Variants in ADGRL2 observed in about 807,000 individuals in gnomAD.
ADGRL2 encodes adhesion G protein-coupled receptor L2, also known as calcium-independent alpha-latrotoxin receptor 2.
Under a neutral mutation model 157.4 loss-of-function variants are expected in ADGRL2, and 44 were observed. That is an observed-to-expected ratio of 0.28 (90% CI 0.22 to 0.36). The LOEUF (loss-of-function observed/expected upper bound fraction) is 0.36, where lower values mean the gene tolerates loss of function less well. Among genes scored for constraint, ADGRL2 ranks in the 10% least tolerant of loss-of-function variants. ADGRL2 has a pLI of 1.00. For synonymous variants in ADGRL2, 585 were observed against 624.7 expected (o/e 0.94, Z 0.95); for missense variants, 1,510 against 1,768.9 (o/e 0.85, Z 2.63).
chr1:81,377,842 A>T (rs2076276734), intron 1 of ADGRL2, among the ~76,000 whole-genome samples: 1 of 152,162 alleles, frequency 6.6e-6, no homozygotes, highest in Admixed American at 6.5e-5. Flanking sequence ...CTAATTTTGA[A>T]TTTTATGCTC....
chr1:81,389,566 G>A (rs1045171413), intron 1 of ADGRL2, among the ~76,000 whole-genome samples: 5 of 152,148 alleles, frequency 3.3e-5, no homozygotes, highest in African/African-American at 2.4e-5. Flanking sequence ...CATAGGCAAC[G>A]AATGATTTCG....
At chr1:81,891,521 T>C (rs1319631521) in intron 2 of ADGRL2, among the ~76,000 whole-genome samples, 1 of 152,158 alleles carries the variant, frequency 6.6e-6, no homozygotes, top group East Asian at 1.9e-4. Context: ...GGAGAAAATG[T>C]CACCATATTT....
chr1:81,851,589 T>C (rs1445967549), intron 2 of ADGRL2, among the ~76,000 whole-genome samples: 1 of 151,900 alleles, frequency 6.6e-6, no homozygotes, highest in Non-Finnish European at 1.5e-5. Context: ...ACATCACACC[T>C]GAAAATATAT....
At chr1:81,636,641 A>G (rs1048654647) in intron 3 of ADGRL2, among the ~76,000 whole-genome samples, 24 of 152,142 alleles carry the variant, frequency 1.6e-4, no homozygotes, top group African/African-American at 5.8e-4. Flanking sequence ...GTTTTCCCCA[A>G]ACTGAGCTCG....
chr1:81,950,930 C>A, intron 7 of ADGRL2, 88 bp from the exon 8 acceptor site: 1 of 801,214 alleles, frequency 1.2e-6, no homozygotes, highest in Non-Finnish European at 2.1e-6. Flanking sequence ...CAAAATTTAA[C>A]ACGCAGAGCA....
At chr1:81,898,740 CA>C (rs577069730) in intron 2 of ADGRL2, among the ~76,000 whole-genome samples, 129 of 152,234 alleles carry the variant, frequency 8.5e-4, no homozygotes, top group African/African-American at 3.0e-3. Context: ...TTACTTTTAA[CA>C]CTATTTTCAT....
intron 1 of ADGRL2, among the ~76,000 whole-genome samples, chr1:81,394,284 G>A (rs1369195001): frequency 6.6e-6 from 1 of 151,854 alleles, no homozygotes; most frequent in Non-Finnish European, 1.5e-5. Context: ...TCACTATATG[G>A]TACTATAGAA....
chr1:81,356,753 A>G (rs1247380276), intron 1 of ADGRL2, among the ~76,000 whole-genome samples: 1 of 151,936 alleles, frequency 6.6e-6, no homozygotes, highest in East Asian at 1.9e-4. Context: ...GGAGATCGAC[A>G]CCATCCTGGC....
At chr1:81,320,164 A>T (rs1486336059) in intron 1 of ADGRL2, among the ~76,000 whole-genome samples, 1 of 152,234 alleles carries the variant, frequency 6.6e-6, no homozygotes, top group Non-Finnish European at 1.5e-5. Context: ...CATAAGAAGT[A>T]ACTTCTCATC....
At chr1:81,980,704 C>A in intron 18 of ADGRL2, 1 of 542,676 alleles carries the variant, frequency 1.8e-6, no homozygotes. Flanking sequence ...GTGCCAGCTT[C>A]ATTGCATGTT....
intron 2 of ADGRL2, among the ~76,000 whole-genome samples, chr1:81,785,180 G>A (rs1488823389): frequency 1.3e-5 from 2 of 152,150 alleles, no homozygotes; most frequent in African/African-American, 4.8e-5. Flanking sequence ...TTTTACTAAA[G>A]TTTTAATAGT....
chr1:81,602,334 C>T (rs1212894472), intron 3 of ADGRL2, among the ~76,000 whole-genome samples: 1 of 152,096 alleles, frequency 6.6e-6, no homozygotes, highest in African/African-American at 2.4e-5. Context: ...GAGGCTCACG[C>T]CTGTAATCCC....
intron 3 of ADGRL2, among the ~76,000 whole-genome samples, chr1:81,651,540 A>G (rs2082419703): frequency 6.6e-6 from 1 of 152,196 alleles, no homozygotes; most frequent in South Asian, 2.1e-4. Context: ...AATGACCTGT[A>G]ACAAATGTGG....
chr1:81,457,674 G>C (rs2077834968), intron 2 of ADGRL2, among the ~76,000 whole-genome samples: 1 of 152,090 alleles, frequency 6.6e-6, no homozygotes, highest in Non-Finnish European at 1.5e-5. Flanking sequence ...AAGATTTCCA[G>C]CCAAATGAAT....
At chr1:81,971,050 T>G (rs778349099) in intron 16 of ADGRL2, among the ~76,000 whole-genome samples, 154 of 152,248 alleles carry the variant, frequency 1.0e-3, no homozygotes, top group Admixed American at 3.1e-3. Flanking sequence ...AGTATAGATA[T>G]TTACAGAAAG....
intron 1 of ADGRL2, chr1:81,761,754 G>GT (rs1272529902): frequency 2.0e-5 from 3 of 152,094 alleles, no homozygotes; most frequent in Middle Eastern, 3.4e-3. Flanking sequence ...ACATTTGGCA[G>GT]TTAGGATCCC....
intron 2 of ADGRL2, among the ~76,000 whole-genome samples, chr1:81,771,005 G>T (rs189825584): frequency 1.7e-4 from 26 of 152,044 alleles, no homozygotes; most frequent in Non-Finnish European, 1.3e-4. Flanking sequence ...TGGATTTCCT[G>T]TATTAACAAT....
intron 1 of ADGRL2, among the ~76,000 whole-genome samples, chr1:81,827,425 A>C (rs1156269906): frequency 6.6e-6 from 1 of 152,080 alleles, no homozygotes; most frequent in Non-Finnish European, 1.5e-5. Context: ...GTTATTTACT[A>C]TTTTGATTGG....
chr1:81,488,045 C>G lies in ADGRL2; in HGVS notation c.-248+42956C>G, dbSNP rs114612682. 9.1e-3 allele frequency among the ~76,000 whole-genome samples: 1,386 copies of G among 152,274 alleles called. 20 individuals carry two copies. The highest frequency in any genetic ancestry group is 0.031 in the African/African-American group (1,295 of 41,552). ...ACGAAATGGCTATTGTTACTGCATGCTACCCCTGCCCCCCGCCCGACTCTG... is the reference window on the plus strand; with the variant it reads ...ACGAAATGGCTATTGTTACTGCATGGTACCCCTGCCCCCCGCCCGACTCTG... On this transcript the variant is annotated intron_variant, in intron 2 of 24. Coordinates refer to the ADGRL2 transcript ENST00000370721.
Sources: gnomAD v4.1 joint callset for allele counts (sites outside exome capture counted in the v4.1 genomes callset) on GRCh38, gnomAD v4.1.1 for gene constraint, MANE v1.5 for transcripts, NCBI Gene and HGNC (gene_info 2026-07-23, HGNC 2026-07-21) for gene names.